The following PDX1 variants were observed in gnomAD, a reference collection of about 807,000 sequenced individuals.
PDX1 encodes the protein pancreas/duodenum homeobox protein 1.
Under a neutral mutation model 11.1 loss-of-function variants are expected in PDX1, and 7 were observed. The observed-to-expected ratio is 0.63, with a 90% CI of 0.36 to 1.19. PDX1 has a LOEUF of 1.19. PDX1 is among the 50% of genes most tolerant of loss of function. The pLI is 0.02. For missense variants in PDX1, 449 were observed against 412.1 expected (o/e 1.09, Z -0.78); for synonymous variants, 232 against 196.2 (o/e 1.18, Z -1.53).
At position 27,920,455 on chromosome 13, in the gene PDX1, C is replaced by G; in HGVS notation, c.317C>G (p.Pro106Arg). 1 of 1,598,894 alleles carries G rather than the reference C, an allele frequency of 6.3e-7. No individual in the cohort carries two copies. The highest frequency in any genetic ancestry group is 8.5e-7 in the Non-Finnish European group (1 of 1,173,256). ...PAGPFPEGAE[P>R]GVLEEPNRVQ... ...GGGCCCTTCCCGGAGGGAGCCGAGC[C>G]GGGCGTCCTGGAGGAGCCCAACCGC... is the stretch of plus-strand genomic sequence containing the variant. The change falls in exon 1 of 2, where the codon CCG becomes CGG. Residue 106 changes from proline (P) to arginine (R), a missense_variant. Pro to Arg is a moderately radical substitution (Grantham distance 103). This residue lies in a region of PDX1 where 263 missense variants were observed against 212.5 expected (regional missense o/e 1.24). Coordinates refer to ENST00000381033, the MANE Select transcript of PDX1 (RefSeq NM_000209.4).
rs2137503239 is a variant in PDX1 at position 27,920,946 on chromosome 13, G to A, written c.406+402G>A. Among the ~76,000 whole-genome samples, 2 of 152,320 alleles carry A rather than the reference G, an allele frequency of 1.3e-5. 1 individual carries two copies. Among genetic ancestry groups the A allele is most frequent in the South Asian group, 4.1e-4 (2 of 4,830 alleles). The stretch of plus-strand genomic sequence containing the variant: ...ATCGAGGAAGCCGAGTAGGGACATG[G>A]GTGCCTCGGACCCAGGCCCCAGATC... On this transcript the variant is annotated intron_variant, in intron 1 of 1. Transcript: ENST00000381033.
rs760443155 is a variant in PDX1 at position 27,920,479 on chromosome 13, G to T, written c.341G>T (p.Arg114Leu). ...CCGGGCGTCCTGGAGGAGCCCAACC[G>T]CGTCCAGCTGCCTTTCCCATGGATG... is the stretch of plus-strand genomic sequence containing the variant. ...AEPGVLEEPN[R>L]VQLPFPWMKS... Residue 114 changes from arginine (R) to leucine (L), a missense_variant, in exon 1 of 2, where the codon CGC becomes CTC. Arg to Leu is a moderately radical substitution (Grantham distance 102, BLOSUM62 -2). Transcript: ENST00000381033. 1.5e-4 allele frequency: 240 copies of T among 1,610,388 alleles called. No individual in the cohort carries two copies. The highest frequency in any genetic ancestry group is 2.0e-4 in the Non-Finnish European group (232 of 1,178,980).
At chr13:27,923,934 A>G (rs1354392225) in intron 1 of PDX1, among the ~76,000 whole-genome samples, 1 of 152,242 alleles carries the variant, frequency 6.6e-6, no homozygotes, top group East Asian at 1.9e-4. Context: ...TTAAATCAAC[A>G]TCAATCAGTT....
rs1401845550 is a variant in PDX1 at position 27,925,352 on chromosome 13, C to CTCCTCT, written c.*663_*668dup. On this transcript the variant is annotated 3_prime_UTR_variant, in exon 2 of 2. Coordinates refer to ENST00000381033, the MANE Select transcript of PDX1 (RefSeq NM_000209.4). Reference sequence around the variant, plus strand: ...TCCTTTCCTCCCCCTCCTCTTTTCCCTCCTCTTCCTCTTCCTCCTGCTCTC... The same window carrying CTCCTCT: ...TCCTTTCCTCCCCCTCCTCTTTTCCCTCCTCTTCCTCTTCCTCTTCCTCCTGCTCTC... 1 of 156,402 alleles carries CTCCTCT rather than the reference C, an allele frequency of 6.4e-6. No individual in the cohort carries two copies. The highest frequency in any genetic ancestry group is 2.7e-5 in the African/African-American group (1 of 37,056). 9.7% of individuals were successfully genotyped at this position (156,402 alleles called of 1,614,324 possible).
At position 27,924,924 on chromosome 13, in the gene PDX1, A is replaced by T; in HGVS notation, c.*223A>T. ...CAGGCCTTCCGGAAGAAAAAGAGCC[A>T]TTGGTTTTTGTAGTATTGGGGCCCT... On this transcript the variant is annotated 3_prime_UTR_variant, in exon 2 of 2. Transcript: ENST00000381033. This position sits in a 1 kb window ranked among gnomAD's most constrained non-coding sequence, Gnocchi z 4.8. 1 of 438,984 alleles carries T rather than the reference A, an allele frequency of 2.3e-6. No individual in the cohort carries two copies. The allele number at this position is 438,984 out of a possible 1,614,324, so 27.2% of individuals were successfully genotyped here.
intron 1 of PDX1, among the ~76,000 whole-genome samples, chr13:27,921,146 G>A (rs771320433): frequency 1.3e-5 from 2 of 152,246 alleles, no homozygotes; most frequent in Non-Finnish European, 2.9e-5. Context: ...AAGGGGCTGG[G>A]GCAAGGCGGG....
At chr13:27,922,051 G>A (rs1215009667) in intron 1 of PDX1, among the ~76,000 whole-genome samples, 2 of 152,134 alleles carry the variant, frequency 1.3e-5, no homozygotes. Context: ...CTAGGCCCTC[G>A]GAGCTCCTGC....
At position 27,924,356 on chromosome 13, in the gene PDX1, G is replaced by A. The variant is rs1472674801; in HGVS notation, c.507G>A (p.Lys169=). 6.2e-7 allele frequency: 1 copy of A among 1,612,702 alleles called. No homozygotes were observed. Among genetic ancestry groups the A allele is most frequent in the Admixed American group, 1.7e-5 (1 of 60,028 alleles). The change falls in exon 2 of 2, where the codon AAG becomes AAA. Residue 169 remains lysine, a synonymous_variant. Coordinates refer to ENST00000381033, the MANE Select transcript of PDX1 (RefSeq NM_000209.4). This position sits in a 1 kb window ranked among gnomAD's most constrained non-coding sequence, Gnocchi z 4.8. ...TGGAGAAGGAGTTCCTATTCAACAAGTACATCTCACGGCCGCGCCGGGTGG... is the reference window on the plus strand; with the variant it reads ...TGGAGAAGGAGTTCCTATTCAACAAATACATCTCACGGCCGCGCCGGGTGG... ...LELEKEFLFN[K]YISRPRRVEL... is the part of the protein sequence containing the mutation.
At position 27,920,031 on chromosome 13, in the gene PDX1, G is replaced by A. The variant is rs1957769052; in HGVS notation, c.-108G>A. The A allele has an allele frequency of 1.5e-6, 2 of 1,309,206 alleles. No individual in the cohort carries two copies. Among genetic ancestry groups the A allele is most frequent in the Non-Finnish European group, 2.1e-6 (2 of 959,952 alleles). 81.1% of individuals were successfully genotyped at this position (1,309,206 alleles called of 1,614,324 possible). A position where few individuals can be genotyped will look rare whatever the true frequency, so the allele number is the denominator to read the frequency against. On this transcript the variant is annotated 5_prime_UTR_variant, in exon 1 of 2. Transcript: ENST00000381033. ...AGTGCGGAGCTGTCAAAGCGAGCAGGGGTGGCGCCGGGAGTGGGAACGCCA... is the reference window on the plus strand; with the variant it reads ...AGTGCGGAGCTGTCAAAGCGAGCAGAGGTGGCGCCGGGAGTGGGAACGCCA...
At position 27,924,714 on chromosome 13, in the gene PDX1, G is replaced by C; in HGVS notation, c.*13G>C. 6.8e-7 allele frequency: 1 copy of C among 1,468,516 alleles called. No homozygotes were observed. Among genetic ancestry groups the C allele is most frequent in the Non-Finnish European group, 9.0e-7 (1 of 1,115,158 alleles). 91.0% of individuals were successfully genotyped at this position (1,468,516 alleles called of 1,614,324 possible). A position where few individuals can be genotyped will look rare whatever the true frequency, so the allele number is the denominator to read the frequency against. ...GGAACCACGATGAGAGGCAGGAGCTGCTCCTGGCTGAGGGGCTTCAACCAC... is the reference window on the plus strand; with the variant it reads ...GGAACCACGATGAGAGGCAGGAGCTCCTCCTGGCTGAGGGGCTTCAACCAC... On this transcript the variant is annotated 3_prime_UTR_variant, in exon 2 of 2. Transcript: ENST00000381033. This position sits in a 1 kb window ranked among gnomAD's most constrained non-coding sequence, Gnocchi z 4.8.
At position 27,920,065 on chromosome 13, in the gene PDX1, C is replaced by A. The variant is rs1171211258; in HGVS notation, c.-74C>A. The A allele has an allele frequency of 2.6e-6, 4 of 1,531,324 alleles. No homozygotes were observed. The highest frequency in any genetic ancestry group is 3.5e-6 in the Non-Finnish European group (4 of 1,131,604). The allele number at this position is 1,531,324 out of a possible 1,614,324, so 94.9% of individuals were successfully genotyped here. A position where few individuals can be genotyped will look rare whatever the true frequency, so the allele number is the denominator to read the frequency against. On this transcript the variant is annotated 5_prime_UTR_variant, in exon 1 of 2. Transcript: ENST00000381033. ...CGGGAGTGGGAACGCCACACAGTGC[C>A]AAATCCCCGGCTCCAGCTCCCGACT...
chr13:27,924,193 G>A lies in PDX1; in HGVS notation c.407-63G>A, dbSNP rs1957806793. 1.4e-6 allele frequency: 2 copies of A among 1,421,298 alleles called. No individual in the cohort carries two copies. The highest frequency in any genetic ancestry group is 1.9e-6 in the Non-Finnish European group (2 of 1,061,888). The allele number at this position is 1,421,298 out of a possible 1,614,324, so 88.0% of individuals were successfully genotyped here. ...CCCTGGCCCCCCTTGAAGGGGTTGG[G>A]CTGCGTGGGTGGGGGCTGTGCGGGG... On this transcript the variant is annotated intron_variant, in intron 1 of 1. Transcript: ENST00000381033. The surrounding 1 kb of genome is among the most constrained non-coding windows in gnomAD (Gnocchi z 4.8).
In PDX1 at chr13:27,920,005, C is replaced by T; in HGVS notation, c.-134C>T. 1 of 1,134,564 alleles carries T rather than the reference C, an allele frequency of 8.8e-7. No individual in the cohort carries two copies. 70.3% of individuals were successfully genotyped at this position (1,134,564 alleles called of 1,614,324 possible). ...GCTGGCTGTGGGTTCCCTCTGAGAT[C>T]AGTGCGGAGCTGTCAAAGCGAGCAG... is the stretch of plus-strand genomic sequence containing the variant. On this transcript the variant is annotated 5_prime_UTR_variant, in exon 1 of 2. Coordinates refer to ENST00000381033, the MANE Select transcript of PDX1 (RefSeq NM_000209.4).
intron 1 of PDX1, among the ~76,000 whole-genome samples, chr13:27,920,930 G>A (rs1298021496): frequency 6.6e-6 from 1 of 152,216 alleles, no homozygotes; most frequent in East Asian, 1.9e-4. Flanking sequence ...CATCGAGGAA[G>A]CCGAGTAGGG....
chr13:27,921,458 C>T (rs1214060394), intron 1 of PDX1, among the ~76,000 whole-genome samples: 1 of 152,254 alleles, frequency 6.6e-6, no homozygotes, highest in Non-Finnish European at 1.5e-5. Flanking sequence ...CGGCAAGTTC[C>T]GGCGCGGCCT....
intron 1 of PDX1, 57 bp downstream of exon 1, chr13:27,920,601 T>A (rs1593168695): frequency 6.4e-7 from 1 of 1,567,146 alleles, no homozygotes; most frequent in East Asian, 2.2e-5. Flanking sequence ...CCGCCTTACC[T>A]CCAAGCGCTC....
At chr13:27,920,684 G>A (rs1957779593) in intron 1 of PDX1, 140 bp downstream of exon 1, 1 of 851,350 alleles carries the variant, frequency 1.2e-6, no homozygotes, top group South Asian at 1.4e-5. Flanking sequence ...GGGAGCTACC[G>A]AGCCCATCCC....
In PDX1 at chr13:27,920,040, C is replaced by CGGGAGT; in HGVS notation, c.-94_-89dup. 1 of 1,422,924 alleles carries CGGGAGT rather than the reference C, an allele frequency of 7.0e-7. No homozygotes were observed. Among genetic ancestry groups the CGGGAGT allele is most frequent in the Non-Finnish European group, 9.7e-7 (1 of 1,034,080 alleles). The allele number at this position is 1,422,924 out of a possible 1,614,324, so 88.1% of individuals were successfully genotyped here. On this transcript the variant is annotated 5_prime_UTR_variant, in exon 1 of 2. Transcript: ENST00000381033. ...CTGTCAAAGCGAGCAGGGGTGGCGCCGGGAGTGGGAACGCCACACAGTGCC... is the reference window on the plus strand; with the variant it reads ...CTGTCAAAGCGAGCAGGGGTGGCGCCGGGAGTGGGAGTGGGAACGCCACACAGTGCC...
chr13:27,924,663 T>C lies in PDX1; in HGVS notation c.814T>C (p.Ser272Pro). 2 of 1,472,960 alleles carry C rather than the reference T, an allele frequency of 1.4e-6. No individual in the cohort carries two copies. Among genetic ancestry groups the C allele is most frequent in the Non-Finnish European group, 8.9e-7 (1 of 1,117,560 alleles). The allele number at this position is 1,472,960 out of a possible 1,614,324, so 91.2% of individuals were successfully genotyped here. A position where few individuals can be genotyped will look rare whatever the true frequency, so the allele number is the denominator to read the frequency against. Residue 272 changes from serine to proline, a missense_variant, in exon 2 of 2, where the codon TCC (serine) becomes CCC (proline). Ser to Pro is a moderately conservative substitution (Grantham distance 74). This residue lies in a region of PDX1 where 139 missense variants were observed against 121.4 expected (regional missense o/e 1.14). Transcript: ENST00000381033. The surrounding 1 kb of genome is among the most constrained non-coding windows in gnomAD (Gnocchi z 4.8). ...TGGCCTTAGCGCGTCGCCACAGCCC[T>C]CCAGCGTCGCGCCTCGGCGGCCGCA... ...PPGLSASPQP[S>P]SVAPRRPQEP...
Sources: allele counts gnomAD v4.1 joint callset (sites outside exome capture counted in the v4.1 genomes callset), GRCh38; gene constraint gnomAD v4.1.1; regional missense constraint gnomAD v4.1.1; non-coding constraint Gnocchi (gnomAD v3.1); transcripts MANE v1.5; gene names NCBI Gene and HGNC (gene_info 2026-07-23, HGNC 2026-07-21).